Variants in HACE1 observed in about 807,000 individuals in gnomAD.
The protein encoded by HACE1 is E3 ubiquitin-protein ligase HACE1.
HACE1 carries 73 observed loss-of-function variants against 118.4 expected under a neutral mutation model. That is an observed-to-expected ratio of 0.62 (90% CI 0.51 to 0.75). HACE1 has a LOEUF of 0.75. Ranked by LOEUF, HACE1 falls within the 30% of genes least tolerant of loss-of-function variation. The probability of loss-of-function intolerance (pLI) is 0.00; values close to 1 mark genes in which losing one functional copy is unlikely to be tolerated. For synonymous variants in HACE1, 368 were observed against 374.8 expected, an observed-to-expected ratio of 0.98 and a Z score of 0.21; for missense variants, 749 against 1,102.2, an observed-to-expected ratio of 0.68 and a Z score of 4.54.
At chr6:104,807,196 G>T (rs1023050952) in intron 7 of HACE1, among the ~76,000 whole-genome samples, 3 of 151,884 alleles carry the variant, frequency 2.0e-5, no homozygotes, top group East Asian at 1.9e-4. Flanking sequence ...GCTAATTTTT[G>T]TATTTTTAGT....
chr6:104,732,855 G>A (rs758229584), intron 22 of HACE1, among the ~76,000 whole-genome samples: 17 of 152,280 alleles, frequency 1.1e-4, no homozygotes, highest in Admixed American at 3.9e-4. Flanking sequence ...CTGGGAAGTC[G>A]TCTGGTTTGG....
chr6:104,731,137 A>G (rs1775155712), intron 22 of HACE1: 1 of 152,118 alleles, frequency 6.6e-6, no homozygotes, highest in Admixed American at 6.6e-5. Flanking sequence ...ATACACATCA[A>G]AAAGAAAATT....
chr6:104,835,363 AT>A (rs1774422565), intron 5 of HACE1, among the ~76,000 whole-genome samples: 1 of 152,200 alleles, frequency 6.6e-6, no homozygotes, highest in South Asian at 2.1e-4. Flanking sequence ...AGAAAAAACT[AT>A]ATTTAATACT....
chr6:104,802,691 A>C (rs1223071942), intron 7 of HACE1, among the ~76,000 whole-genome samples: 4 of 152,342 alleles, frequency 2.6e-5, no homozygotes, highest in South Asian at 2.1e-4. Flanking sequence ...AACATACCAG[A>C]ATCTCTGGGA....
chr6:104,765,049 T>C (rs1281878227), intron 19 of HACE1, among the ~76,000 whole-genome samples: 1 of 152,250 alleles, frequency 6.6e-6, no homozygotes, highest in Non-Finnish European at 1.5e-5. Flanking sequence ...CAAAGTGTTA[T>C]ATTTATTCTT....
At chr6:104,765,493 G>C (rs1779896017) in intron 19 of HACE1, among the ~76,000 whole-genome samples, 1 of 152,190 alleles carries the variant, frequency 6.6e-6, no homozygotes, top group South Asian at 2.1e-4. Context: ...TATTTTAACA[G>C]CAATATAGAC....
intron 1 of HACE1, chr6:104,858,465 A>G (rs1308559399): frequency 5.1e-6 from 2 of 388,724 alleles, no homozygotes; most frequent in Admixed American, 3.1e-5. Flanking sequence ...CTTTGGGGGG[A>G]GCAGGGTGCG....
intron 1 of HACE1, among the ~76,000 whole-genome samples, chr6:104,855,114 C>G (rs777257043): frequency 2.0e-4 from 31 of 152,126 alleles, no homozygotes; most frequent in Non-Finnish European, 1.8e-4. Context: ...AGCTGTGTAA[C>G]AGTGGCATTA....
At chr6:104,772,499 G>A (rs1361155720) in intron 17 of HACE1, among the ~76,000 whole-genome samples, 1 of 152,180 alleles carries the variant, frequency 6.6e-6, no homozygotes, top group Non-Finnish European at 1.5e-5. Flanking sequence ...GTATGTGCCA[G>A]TGCAGTAAGT....
At chr6:104,793,772 T>C (rs1783322829) in intron 10 of HACE1, among the ~76,000 whole-genome samples, 1 of 152,200 alleles carries the variant, frequency 6.6e-6, no homozygotes, top group African/African-American at 2.4e-5. Context: ...CAATTTGTAT[T>C]TGAAATCATC....
chr6:104,799,909 G>GCCAAAGTAGGGCGGGGCAT (rs11274321), intron 7 of HACE1, among the ~76,000 whole-genome samples: 85,505 of 151,804 alleles, frequency 0.56, 25,680 homozygotes, highest in African/African-American at 0.79. Flanking sequence ...CGGAGGGTGA[G>GCCAAAGTAGGGCGGGGCAT]CACCTCACTT....
intron 17 of HACE1, among the ~76,000 whole-genome samples, chr6:104,776,271 A>AT (rs1781219314): frequency 6.6e-6 from 1 of 152,196 alleles, no homozygotes; most frequent in Non-Finnish European, 1.5e-5. Context: ...CCTAACCAAT[A>AT]TATTTTAAAA....
intron 19 of HACE1, among the ~76,000 whole-genome samples, chr6:104,755,772 G>A (rs1002263250): frequency 1.3e-4 from 20 of 152,270 alleles, no homozygotes; most frequent in African/African-American, 4.6e-4. Flanking sequence ...CTGGGATGCA[G>A]CTAAAGCAGT....
At chr6:104,798,215 G>GTACC (rs1769903112) in intron 7 of HACE1, among the ~76,000 whole-genome samples, 1 of 151,992 alleles carries the variant, frequency 6.6e-6, no homozygotes, top group Non-Finnish European at 1.5e-5. Flanking sequence ...TAGAACTCAG[G>GTACC]TACCTGGGCT....
In HACE1 at chr6:104,744,210, T is replaced by G; in HGVS notation, c.2463A>C (p.Glu821Asp). The change falls in exon 22 of 24, where the codon GAA (glutamate) becomes GAC (aspartate). Residue 821 changes from glutamate (E) to aspartate (D), a missense_variant. Physicochemically the swap from Glu to Asp is conservative, Grantham distance 45. Around this residue, in one of 5 missense-constraint regions of HACE1, gnomAD observed 165 missense variants for 229.9 expected, o/e 0.72. Transcript: ENST00000262903. ...GAACTCTCTCCTCTTGAGTAATGTC[T>G]TCTACAACTTCCCAGAACCACTAAC... ...PVIQWFWEVV[E>D]DITQEERVLL... 1 of 1,600,926 alleles carries G rather than the reference T, an allele frequency of 6.2e-7. No homozygotes were observed. The highest frequency in any genetic ancestry group is 8.5e-7 in the Non-Finnish European group (1 of 1,170,966).
intron 10 of HACE1, among the ~76,000 whole-genome samples, chr6:104,794,687 AGAGCTCAG>A (rs1783420135): frequency 6.6e-6 from 1 of 152,172 alleles, no homozygotes. Flanking sequence ...GCGGATTGCC[AGAGCTCAG>A]GAGTTCAAGA....
chr6:104,732,012 T>A (rs1231938925), intron 22 of HACE1: 3 of 151,886 alleles, frequency 2.0e-5, no homozygotes, highest in Admixed American at 6.6e-5. Context: ...CAAAACCACT[T>A]CACACTCATT....
chr6:104,777,562 A>G (rs903753573), intron 14 of HACE1, among the ~76,000 whole-genome samples: 2 of 152,194 alleles, frequency 1.3e-5, no homozygotes, highest in African/African-American at 4.8e-5. Context: ...AACACAAAAG[A>G]CTTGATAAAT....
At chr6:104,800,111 C>G (rs1015003038) in intron 7 of HACE1, among the ~76,000 whole-genome samples, 2 of 152,096 alleles carry the variant, frequency 1.3e-5, no homozygotes, top group Non-Finnish European at 2.9e-5. Context: ...TCACTGCTAG[C>G]GCAGCAGTCT....
Sources: gnomAD v4.1 joint callset for allele counts (sites outside exome capture counted in the v4.1 genomes callset) on GRCh38, gnomAD v4.1.1 for gene constraint, gnomAD v4.1.1 regional missense constraint, MANE v1.5 for transcripts, NCBI Gene and HGNC (gene_info 2026-07-23, HGNC 2026-07-21) for gene names.